Variants in LIAT1 observed in about 807,000 individuals in gnomAD.
LIAT1 encodes protein LIAT1.
the LIAT1 span, among the ~76,000 whole-genome samples, chr17:412,904 G>A: frequency 6.6e-6 from 1 of 152,236 alleles, no homozygotes; most frequent in Non-Finnish European, 1.5e-5. Flanking sequence ...GAATAGGGCC[G>A]ATCGCCTTTA....
chr17:410,502 G>A, the LIAT1 span: 2 of 1,544,624 alleles, frequency 1.3e-6, no homozygotes, highest in African/African-American at 1.4e-5. Flanking sequence ...CAACGACGGC[G>A]AGGAGGAGGA....
the LIAT1 span, chr17:413,301 TC>T: frequency 6.2e-7 from 1 of 1,614,174 alleles, no homozygotes; most frequent in South Asian, 1.1e-5. Flanking sequence ...ACCGTCAGCC[TC>T]CCCGACTTTG....
chr17:410,408 TCGGGCGCCCCCGGGG>T, the LIAT1 span: 86 of 1,532,584 alleles, frequency 5.6e-5, no homozygotes, highest in Non-Finnish European at 3.1e-5. Context: ...GCATCGGGCC[TCGGGCGCCCCCGGGG>T]CGGGTTGGGT....
chr17:412,421 G>A, the LIAT1 span, among the ~76,000 whole-genome samples: 6 of 152,160 alleles, frequency 3.9e-5, no homozygotes, highest in South Asian at 1.0e-3. Context: ...TCAGCAGGGG[G>A]CACCAGATAG....
chr17:414,049 C>G, the LIAT1 span: 5 of 1,614,278 alleles, frequency 3.1e-6, no homozygotes, highest in Non-Finnish European at 4.2e-6. This position sits in a 1 kb window ranked among gnomAD's most constrained non-coding sequence, Gnocchi z 4.1. Context: ...GCCCCAATCT[C>G]TGTTTTGAAG....
At chr17:410,414 G>T in the LIAT1 span, 1 of 1,530,196 alleles carries the variant, frequency 6.5e-7, no homozygotes. Flanking sequence ...GGCCTCGGGC[G>T]CCCCCGGGGC....
the LIAT1 span, chr17:414,365 T>A: frequency 2.0e-6 from 1 of 497,666 alleles, no homozygotes; most frequent in Non-Finnish European, 3.6e-6. This position sits in a 1 kb window ranked among gnomAD's most constrained non-coding sequence, Gnocchi z 4.1. Context: ...TAAGCATCTC[T>A]GTTACTTAAT....
chr17:413,283 AC>A, the LIAT1 span: 1 of 1,613,814 alleles, frequency 6.2e-7, no homozygotes. Flanking sequence ...CTCCCTTCTG[AC>A]TCCTCCACCG....
the LIAT1 span, chr17:410,424 C>G: frequency 1.3e-6 from 2 of 1,535,030 alleles, no homozygotes; most frequent in South Asian, 2.4e-5. Context: ...GCCCCCGGGG[C>G]GGGTTGGGTT....
At chr17:410,482 G>A in the LIAT1 span, 1 of 1,543,820 alleles carries the variant, frequency 6.5e-7, no homozygotes, top group African/African-American at 1.4e-5. Context: ...GGGACAATGG[G>A]GTACAAGGAC....
chr17:413,495 G>A, the LIAT1 span: 4,487 of 1,362,716 alleles, frequency 3.3e-3, 270 homozygotes, highest in African/African-American at 0.076. Context: ...CTTCCACCCC[G>A]ACCCCGACGC....
chr17:410,865 G>T, the LIAT1 span, among the ~76,000 whole-genome samples: 2 of 152,020 alleles, frequency 1.3e-5, no homozygotes, highest in Non-Finnish European at 2.9e-5. Context: ...CCCACACAGA[G>T]ACCCCTACAG....
chr17:410,372 C>T, the LIAT1 span: 3 of 1,511,964 alleles, frequency 2.0e-6, no homozygotes, highest in African/African-American at 1.4e-5. Context: ...GCCTGGCGGT[C>T]CGCGCTGAGA....
At chr17:413,093 A>C in the LIAT1 span, 1 of 1,580,530 alleles carries the variant, frequency 6.3e-7, no homozygotes, top group African/African-American at 1.4e-5. Flanking sequence ...CACCATCCCC[A>C]GCAGGCCAAG....
the LIAT1 span, chr17:410,477 A>C: frequency 1.3e-6 from 2 of 1,543,204 alleles, no homozygotes; most frequent in Non-Finnish European, 1.7e-6. Flanking sequence ...GGGCGGGGAC[A>C]ATGGGGTACA....
chr17:410,703 G>C, the LIAT1 span: 50 of 1,478,094 alleles, frequency 3.4e-5, no homozygotes, highest in South Asian at 6.0e-4. Flanking sequence ...GACTCTTTGG[G>C]GACCCACCCC....
chr17:414,235 CG>C, the LIAT1 span: 3 of 1,254,188 alleles, frequency 2.4e-6, no homozygotes, highest in African/African-American at 4.5e-5. This position sits in a 1 kb window ranked among gnomAD's most constrained non-coding sequence, Gnocchi z 4.1. Context: ...GTTCGGTACA[CG>C]GACGACGCCG....
the LIAT1 span, among the ~76,000 whole-genome samples, chr17:411,204 C>T: frequency 6.6e-6 from 1 of 152,208 alleles, no homozygotes; most frequent in African/African-American, 2.4e-5. Context: ...CACCAAGGGG[C>T]AGCCTTGGAC....
chr17:410,347 A>T, the LIAT1 span: 1 of 1,475,512 alleles, frequency 6.8e-7, no homozygotes, highest in Non-Finnish European at 8.9e-7. Context: ...GTCGCCATGG[A>T]GACGCGTGGC....
Sources: allele counts gnomAD v4.1 joint callset (sites outside exome capture counted in the v4.1 genomes callset), GRCh38; gene constraint gnomAD v4.1.1; non-coding constraint Gnocchi (gnomAD v3.1); transcripts MANE v1.5; gene names NCBI Gene and HGNC (gene_info 2026-07-23, HGNC 2026-07-21).